The following CNTNAP2 variants were observed in gnomAD, a reference collection of about 807,000 sequenced individuals.
The protein encoded by CNTNAP2 is contactin associated protein 2, also known as contactin-associated protein-like 2.
In CNTNAP2, 98 loss-of-function variants were observed where a neutral mutation model predicts 155.2. The observed-to-expected ratio is 0.63, with a 90% CI of 0.54 to 0.75. CNTNAP2 has a LOEUF of 0.75. Among genes scored for constraint, CNTNAP2 ranks in the 30% least tolerant of loss-of-function variants. The pLI is 0.00. For synonymous variants in CNTNAP2, 651 were observed against 631.2 expected (o/e 1.03, Z -0.47); for missense variants, 1,727 against 1,688.1 (o/e 1.02, Z -0.40).
chr7:146,966,213 G>A, intron 3 of CNTNAP2, among the ~76,000 whole-genome samples: 1 of 152,252 alleles, frequency 6.6e-6, no homozygotes, highest in East Asian at 1.9e-4. Flanking sequence ...AACATGCACA[G>A]AGATGAACAG....
intron 12 of CNTNAP2, among the ~76,000 whole-genome samples, chr7:147,570,789 G>A (rs924654295): frequency 6.6e-6 from 1 of 152,162 alleles, no homozygotes; most frequent in Non-Finnish European, 1.5e-5. Flanking sequence ...AGGCTTGTGT[G>A]TTCAGAGCTG....
At chr7:148,205,656 A>G (rs1795437124) in intron 18 of CNTNAP2, among the ~76,000 whole-genome samples, 1 of 152,228 alleles carries the variant, frequency 6.6e-6, no homozygotes, top group Non-Finnish European at 1.5e-5. Flanking sequence ...ACTGAATGAC[A>G]TTTCTTTCAA....
chr7:147,059,380 C>T (rs1799620791), intron 4 of CNTNAP2, among the ~76,000 whole-genome samples: 1 of 151,190 alleles, frequency 6.6e-6, no homozygotes, highest in African/African-American at 2.4e-5. Flanking sequence ...AATCCAGTTA[C>T]TTAGTAAGAG....
chr7:147,323,008 G>T (rs13310816), intron 9 of CNTNAP2, among the ~76,000 whole-genome samples: 4,632 of 32,634 alleles, frequency 0.14, 302 homozygotes, highest in Middle Eastern at 0.21. Context: ...CAATTTTGTT[G>T]ATCCTTTCAA....
chr7:146,180,930 C>T (rs1716997634), intron 1 of CNTNAP2, among the ~76,000 whole-genome samples: 1 of 152,104 alleles, frequency 6.6e-6, no homozygotes, highest in Non-Finnish European at 1.5e-5. Flanking sequence ...TGTGTTTGAA[C>T]ACAAAAGCAG....
intron 1 of CNTNAP2, among the ~76,000 whole-genome samples, chr7:146,617,555 A>G (rs1439986460): frequency 6.6e-6 from 1 of 152,236 alleles, no homozygotes; most frequent in Non-Finnish European, 1.5e-5. Flanking sequence ...TCTTCCTTAA[A>G]TAAATATCAA....
chr7:148,225,596 A>G (rs1795830564), intron 19 of CNTNAP2, among the ~76,000 whole-genome samples: 1 of 152,132 alleles, frequency 6.6e-6, no homozygotes, highest in Admixed American at 6.5e-5. Flanking sequence ...GATTTTGAGC[A>G]GAGGATCACT....
At chr7:146,907,113 A>T (rs1796149888) in intron 3 of CNTNAP2, among the ~76,000 whole-genome samples, 1 of 151,990 alleles carries the variant, frequency 6.6e-6, no homozygotes, top group African/African-American at 2.4e-5. Context: ...AAAAGAATAA[A>T]AAGAAATGAG....
intron 13 of CNTNAP2, among the ~76,000 whole-genome samples, chr7:147,768,087 TC>T (rs1339596488): frequency 6.6e-6 from 1 of 152,092 alleles, no homozygotes; most frequent in African/African-American, 2.4e-5. Context: ...AGCAAAAACT[TC>T]CTTTCAGAAA....
intron 1 of CNTNAP2, among the ~76,000 whole-genome samples, chr7:146,712,432 G>A (rs1306563381): frequency 4.8e-5 from 7 of 145,032 alleles, no homozygotes; most frequent in Non-Finnish European, 1.1e-4. Context: ...TGGTGCCAAA[G>A]CACAGAAGAG....
At chr7:147,635,460 G>A (rs1795162684) in intron 12 of CNTNAP2, among the ~76,000 whole-genome samples, 1 of 151,906 alleles carries the variant, frequency 6.6e-6, no homozygotes, top group East Asian at 1.9e-4. Flanking sequence ...ATTGCACTGT[G>A]GTTTCCTTAG....
chr7:148,108,079 C>T (rs547353180), intron 15 of CNTNAP2, among the ~76,000 whole-genome samples: 11 of 152,324 alleles, frequency 7.2e-5, no homozygotes, highest in African/African-American at 2.6e-4. Flanking sequence ...TTCCTAATTC[C>T]CCATCTCCCC....
chr7:146,665,783 T>TAAAAAAAAAAAAAAAAAAAAAAAAA (rs750837961), intron 1 of CNTNAP2, among the ~76,000 whole-genome samples: 7 of 48,298 alleles, frequency 1.4e-4, no homozygotes, highest in African/African-American at 6.8e-4. Flanking sequence ...TCTGTCTCAT[T>TAAAAAAAAAAAAAAAAAAAAAAAAA]AAAAAAAAAA....
chr7:146,249,252 A>G (rs979452624), intron 1 of CNTNAP2, among the ~76,000 whole-genome samples: 3 of 152,234 alleles, frequency 2.0e-5, no homozygotes, highest in African/African-American at 4.8e-5. Flanking sequence ...TGTAATTAGT[A>G]TAATTATTAA....
At chr7:146,769,759 T>C (rs980043351) in intron 1 of CNTNAP2, among the ~76,000 whole-genome samples, 2 of 152,222 alleles carry the variant, frequency 1.3e-5, no homozygotes, top group African/African-American at 4.8e-5. Flanking sequence ...GTAAATAGTT[T>C]AGTTTCGTGG....
chr7:147,983,163 A>G (rs913992528), intron 15 of CNTNAP2, among the ~76,000 whole-genome samples: 1 of 152,204 alleles, frequency 6.6e-6, no homozygotes, highest in African/African-American at 2.4e-5. Context: ...ACGAGCATAC[A>G]TAGGCCACAT....
chr7:146,814,248 G>T (rs1803121379), intron 2 of CNTNAP2, among the ~76,000 whole-genome samples: 1 of 151,918 alleles, frequency 6.6e-6, no homozygotes, highest in South Asian at 2.1e-4. Context: ...TTGAATCTAG[G>T]CTTCTTCCCT....
At chr7:146,738,168 C>T (rs1194970496) in intron 1 of CNTNAP2, among the ~76,000 whole-genome samples, 2 of 151,940 alleles carry the variant, frequency 1.3e-5, no homozygotes, top group Non-Finnish European at 2.9e-5. Context: ...CACATCCTCA[C>T]CAATACTTAC....
intron 11 of CNTNAP2, among the ~76,000 whole-genome samples, chr7:147,519,534 C>T (rs1174491663): frequency 6.6e-6 from 1 of 152,142 alleles, no homozygotes; most frequent in African/African-American, 2.4e-5. Context: ...CTGCCTACCT[C>T]AAACCTCAAA....
Sources: gnomAD v4.1 joint callset for allele counts (sites outside exome capture counted in the v4.1 genomes callset) on GRCh38, gnomAD v4.1.1 for gene constraint, MANE v1.5 for transcripts, NCBI Gene and HGNC (gene_info 2026-07-23, HGNC 2026-07-21) for gene names.